The following CAMK1D variants were observed in gnomAD, a reference collection of about 807,000 sequenced individuals.
The protein encoded by CAMK1D is calcium/calmodulin dependent protein kinase ID.
In CAMK1D, 9 loss-of-function variants were observed where a neutral mutation model predicts 47.7. That is an observed-to-expected ratio of 0.19 (90% CI 0.11 to 0.33). CAMK1D has a LOEUF of 0.33. Among genes scored for constraint, CAMK1D ranks in the 10% least tolerant of loss-of-function variants. The probability of loss-of-function intolerance (pLI) is 1.00; values close to 1 mark genes in which losing one functional copy is unlikely to be tolerated. For missense variants in CAMK1D, 291 were observed against 488.7 expected (o/e 0.60, Z 3.81); for synonymous variants, 184 against 184.9 (o/e 0.99, Z 0.04).
intron 1 of CAMK1D, among the ~76,000 whole-genome samples, chr10:12,479,228 CTT>C (rs1833992198): frequency 6.6e-6 from 1 of 151,694 alleles, no homozygotes; most frequent in Admixed American, 6.6e-5. Flanking sequence ...CGGAGTTTCA[CTT>C]TTGTTGCCTA....
intron 1 of CAMK1D, among the ~76,000 whole-genome samples, chr10:12,474,894 C>T (rs1833858262): frequency 6.6e-6 from 1 of 151,866 alleles, no homozygotes; most frequent in African/African-American, 2.4e-5. Flanking sequence ...GGCTAATGGC[C>T]TCCGGCTCCA....
At chr10:12,786,462 C>T (rs1837726679) in intron 5 of CAMK1D, among the ~76,000 whole-genome samples, 1 of 152,196 alleles carries the variant, frequency 6.6e-6, no homozygotes, top group Non-Finnish European at 1.5e-5. Context: ...TATTGTCATC[C>T]TGATATTTAC....
chr10:12,663,433 A>G (rs1840337399), intron 2 of CAMK1D, among the ~76,000 whole-genome samples: 1 of 152,162 alleles, frequency 6.6e-6, no homozygotes, highest in Non-Finnish European at 1.5e-5. Context: ...CAGAGGCATT[A>G]TATCCCTCAA....
intron 8 of CAMK1D, among the ~76,000 whole-genome samples, chr10:12,824,113 G>A (rs1170181747): frequency 6.6e-6 from 1 of 152,004 alleles, no homozygotes; most frequent in Non-Finnish European, 1.5e-5. Flanking sequence ...GGGGATGAGG[G>A]GGAGGGAGAA....
intron 3 of CAMK1D, among the ~76,000 whole-genome samples, chr10:12,737,677 C>T (rs1406648058): frequency 6.6e-6 from 1 of 152,132 alleles, no homozygotes; most frequent in East Asian, 1.9e-4. Context: ...TGGAAATGTT[C>T]ATTTGTATCG....
chr10:12,591,584 A>G (rs1173434601), intron 2 of CAMK1D, among the ~76,000 whole-genome samples: 1 of 152,242 alleles, frequency 6.6e-6, no homozygotes, highest in African/African-American at 2.4e-5. Flanking sequence ...GGTGGGCTTC[A>G]TGTATTTCCA....
chr10:12,412,103 A>G (rs921548421), intron 1 of CAMK1D, among the ~76,000 whole-genome samples: 6 of 152,166 alleles, frequency 3.9e-5, no homozygotes, highest in African/African-American at 1.4e-4. Flanking sequence ...CTCTAGTAAC[A>G]CAGATGTGTT....
chr10:12,506,516 CTCTT>C (rs1002751987), intron 1 of CAMK1D, among the ~76,000 whole-genome samples: 9 of 151,890 alleles, frequency 5.9e-5, no homozygotes, highest in African/African-American at 1.7e-4. Context: ...CTCTCTTTCT[CTCTT>C]TCTTTTTTTT....
At chr10:12,485,728 GGT>G (rs1273972176) in intron 1 of CAMK1D, among the ~76,000 whole-genome samples, 12 of 152,202 alleles carry the variant, frequency 7.9e-5, no homozygotes, top group African/African-American at 2.9e-4. Context: ...GTTCAAACAG[GGT>G]CACCGATAAG....
At chr10:12,630,039 G>T (rs1839331064) in intron 2 of CAMK1D, among the ~76,000 whole-genome samples, 1 of 152,210 alleles carries the variant, frequency 6.6e-6, no homozygotes, top group Admixed American at 6.5e-5. Flanking sequence ...GGAGGCACCT[G>T]AGCCCCGTAG....
intron 2 of CAMK1D, among the ~76,000 whole-genome samples, chr10:12,602,608 TCTG>T (rs1838335523): frequency 6.6e-6 from 1 of 152,318 alleles, no homozygotes; most frequent in African/African-American, 2.4e-5. Context: ...ATCCATTTTA[TCTG>T]CTGTGAATTC....
intron 1 of CAMK1D, among the ~76,000 whole-genome samples, chr10:12,483,043 C>G (rs745574567): frequency 1.3e-5 from 2 of 152,030 alleles, no homozygotes; most frequent in Non-Finnish European, 2.9e-5. Context: ...GATCCCTGTT[C>G]CCATTTTTCT....
chr10:12,769,361 G>T (rs947015783), intron 4 of CAMK1D, among the ~76,000 whole-genome samples: 4 of 152,190 alleles, frequency 2.6e-5, no homozygotes, highest in Admixed American at 6.5e-5. Flanking sequence ...CCTAACCCCA[G>T]ACGTAAATCC....
intron 2 of CAMK1D, among the ~76,000 whole-genome samples, chr10:12,594,998 C>T (rs1207290728): frequency 2.6e-5 from 4 of 151,970 alleles, no homozygotes; most frequent in Admixed American, 6.6e-5. Context: ...CAATGAAAGG[C>T]GGGGAAGGAG....
At chr10:12,519,246 A>AC (rs1354136979) in intron 1 of CAMK1D, among the ~76,000 whole-genome samples, 2 of 50,100 alleles carry the variant, frequency 4.0e-5, no homozygotes, top group African/African-American at 1.7e-4. Flanking sequence ...CGGGGGGCTG[A>AC]CCCCCCCACC....
intron 2 of CAMK1D, among the ~76,000 whole-genome samples, chr10:12,563,507 C>G (rs1057129588): frequency 1.3e-5 from 2 of 152,226 alleles, no homozygotes; most frequent in African/African-American, 4.8e-5. Flanking sequence ...CAGAAATTCC[C>G]TCACAGACAC....
rs185987313 is a variant in CAMK1D at position 12,523,421 on chromosome 10, C to T, written c.93-29804C>T. On this transcript the variant is annotated intron_variant, in intron 1 of 10. Transcript: ENST00000619168. ...CTGGGAGGTGGAGGTTGTAGCCAGC[C>T]GAGATCAGGCCACTGCACTCCAGCC... 7.5e-3 allele frequency among the ~76,000 whole-genome samples: 1,141 copies of T among 152,300 alleles called. 31 individuals carry two copies. Among genetic ancestry groups the T allele is most frequent in the East Asian group, 0.047 (241 of 5,174 alleles).
intron 2 of CAMK1D, among the ~76,000 whole-genome samples, chr10:12,637,689 T>C (rs1356533843): frequency 6.6e-6 from 1 of 152,104 alleles, no homozygotes; most frequent in East Asian, 1.9e-4. Context: ...CTTTTATTCT[T>C]AGAAGATACA....
chr10:12,528,529 C>T (rs1010623324), intron 1 of CAMK1D, among the ~76,000 whole-genome samples: 12 of 152,194 alleles, frequency 7.9e-5, no homozygotes, highest in South Asian at 2.1e-4. Flanking sequence ...CATTTACAAA[C>T]GTACCCACAT....
Sources: gnomAD v4.1 joint callset for allele counts (sites outside exome capture counted in the v4.1 genomes callset) on GRCh38, gnomAD v4.1.1 for gene constraint, MANE v1.5 for transcripts, NCBI Gene and HGNC (gene_info 2026-07-23, HGNC 2026-07-21) for gene names.